ARHGAP26: variants seen among roughly 807,000 people sequenced by gnomAD.
ARHGAP26 encodes Rho GTPase activating protein 26.
Under a neutral mutation model 104.8 loss-of-function variants are expected in ARHGAP26, and 38 were observed. That is an observed-to-expected ratio of 0.36 (90% confidence interval 0.28 to 0.48). The LOEUF is 0.48. Ranked by LOEUF, ARHGAP26 falls within the 20% of genes least tolerant of loss-of-function variation. The pLI is 0.99. For missense variants in ARHGAP26, 704 were observed against 947.9 expected (o/e 0.74, Z 3.38); for synonymous variants, 341 against 340.0 (o/e 1.00, Z -0.03).
At chr5:142,808,200 A>G (rs1763364354) in intron 1 of ARHGAP26, among the ~76,000 whole-genome samples, 1 of 125,312 alleles carries the variant, frequency 8.0e-6, no homozygotes, top group Admixed American at 1.0e-4. Context: ...ACACCACTGC[A>G]CTCCAGCCTG....
chr5:143,097,448 T>C (rs1380994045), intron 17 of ARHGAP26, among the ~76,000 whole-genome samples: 2 of 151,862 alleles, frequency 1.3e-5, no homozygotes, highest in Non-Finnish European at 2.9e-5. Flanking sequence ...CAGGTAACTT[T>C]ACCTAATTCT....
At chr5:143,022,298 C>T (rs1028744835) in intron 12 of ARHGAP26, among the ~76,000 whole-genome samples, 4 of 152,138 alleles carry the variant, frequency 2.6e-5, no homozygotes, top group Non-Finnish European at 4.4e-5. Flanking sequence ...GTCTCGGACT[C>T]CTGACCTCAG....
intron 17 of ARHGAP26, among the ~76,000 whole-genome samples, chr5:143,105,074 A>AT (rs1445744383): frequency 6.6e-6 from 1 of 152,120 alleles, no homozygotes; most frequent in Non-Finnish European, 1.5e-5. Flanking sequence ...AGGGTAAGCT[A>AT]TTTAAAAATA....
At chr5:143,153,452 A>G (rs1480976443) in intron 20 of ARHGAP26, among the ~76,000 whole-genome samples, 1 of 152,196 alleles carries the variant, frequency 6.6e-6, no homozygotes, top group Non-Finnish European at 1.5e-5. Flanking sequence ...CTCCTTCCAC[A>G]GTGACCAGTG....
chr5:142,776,300 G>A (rs1281748074), intron 1 of ARHGAP26, among the ~76,000 whole-genome samples: 1 of 152,078 alleles, frequency 6.6e-6, no homozygotes, highest in Non-Finnish European at 1.5e-5. Context: ...GTATAATTCA[G>A]TGGTTTGTAG....
At chr5:143,121,759 G>A (rs543076424) in intron 18 of ARHGAP26, among the ~76,000 whole-genome samples, 2 of 152,046 alleles carry the variant, frequency 1.3e-5, no homozygotes, top group African/African-American at 2.4e-5. Flanking sequence ...GAATATTAAC[G>A]CAGAGCTGCC....
intron 11 of ARHGAP26, among the ~76,000 whole-genome samples, chr5:142,972,154 C>T (rs1377223217): frequency 2.0e-5 from 3 of 150,340 alleles, no homozygotes; most frequent in Admixed American, 6.6e-5. Context: ...TGCACTCCAT[C>T]CTGGCTGACA....
At chr5:143,180,730 C>G (rs557135416) in intron 20 of ARHGAP26, among the ~76,000 whole-genome samples, 52 of 152,234 alleles carry the variant, frequency 3.4e-4, no homozygotes, top group South Asian at 6.2e-4. Context: ...GCATTCACCC[C>G]CATGATCCAG....
At chr5:142,913,395 C>A in intron 10 of ARHGAP26, 102 bp downstream of exon 10, 1 of 988,346 alleles carries the variant, frequency 1.0e-6, no homozygotes, top group Admixed American at 2.0e-5. Flanking sequence ...CCCCTTCTCC[C>A]CCTCCCTCCT....
At chr5:142,956,015 C>CA (rs1464307212) in intron 11 of ARHGAP26, among the ~76,000 whole-genome samples, 1 of 152,142 alleles carries the variant, frequency 6.6e-6, no homozygotes, top group Admixed American at 6.5e-5. Context: ...CTCTTAAAGA[C>CA]AACAGGGAAT....
At chr5:142,778,699 G>T (rs2151833345) in intron 1 of ARHGAP26, among the ~76,000 whole-genome samples, 1 of 152,340 alleles carries the variant, frequency 6.6e-6, no homozygotes, top group Non-Finnish European at 1.5e-5. Context: ...GCTTTTGTGT[G>T]TGGATTCCAG....
chr5:142,782,048 TG>T (rs1757626994), intron 1 of ARHGAP26, among the ~76,000 whole-genome samples: 1 of 152,094 alleles, frequency 6.6e-6, no homozygotes, highest in African/African-American at 2.4e-5. Flanking sequence ...GATGATCAGG[TG>T]TGGATGAAGA....
At chr5:142,968,704 T>C (rs1031685087) in intron 11 of ARHGAP26, among the ~76,000 whole-genome samples, 1 of 152,254 alleles carries the variant, frequency 6.6e-6, no homozygotes, top group Admixed American at 6.5e-5. Flanking sequence ...GGAATTGTGC[T>C]TCACATGTTC....
At chr5:143,005,996 G>C (rs181260246) in intron 11 of ARHGAP26, among the ~76,000 whole-genome samples, 19 of 152,276 alleles carry the variant, frequency 1.2e-4, no homozygotes, top group Admixed American at 8.5e-4. Flanking sequence ...TGGTACCATA[G>C]GCTTCAAAAC....
chr5:143,035,870 A>G (rs1468886591), intron 12 of ARHGAP26, among the ~76,000 whole-genome samples: 1 of 148,812 alleles, frequency 6.7e-6, no homozygotes, highest in Non-Finnish European at 1.5e-5. Flanking sequence ...CAGGAGGCGA[A>G]GGTTGCAGTG....
At chr5:143,083,450 T>A (rs1275534569) in intron 17 of ARHGAP26, among the ~76,000 whole-genome samples, 2 of 152,224 alleles carry the variant, frequency 1.3e-5, no homozygotes, top group Admixed American at 1.3e-4. Context: ...AAGAGCACAG[T>A]AAATATTTTT....
intron 10 of ARHGAP26, among the ~76,000 whole-genome samples, chr5:142,928,235 T>TG (rs1764206181): frequency 1.6e-5 from 2 of 122,500 alleles, no homozygotes; most frequent in East Asian, 8.3e-4. Context: ...GTGTGTGTTT[T>TG]TTTTTTTTTT....
intron 11 of ARHGAP26, among the ~76,000 whole-genome samples, chr5:142,995,834 A>T (rs1482905442): frequency 1.3e-5 from 2 of 152,230 alleles, no homozygotes; most frequent in Non-Finnish European, 2.9e-5. Context: ...ATGCAGCCAT[A>T]AAAAAGAATG....
intron 20 of ARHGAP26, chr5:143,169,366 G>A (rs1321001315): frequency 2.6e-5 from 4 of 152,170 alleles, no homozygotes; most frequent in Non-Finnish European, 5.9e-5. Context: ...GGCATGGCTG[G>A]GTCCAGGGGC....
Sources: allele counts gnomAD v4.1 joint callset (sites outside exome capture counted in the v4.1 genomes callset), GRCh38; gene constraint gnomAD v4.1.1; transcripts MANE v1.5; gene names NCBI Gene and HGNC (gene_info 2026-07-23, HGNC 2026-07-21).